The following TTLL11 variants were observed in gnomAD, a reference collection of about 807,000 sequenced individuals.
TTLL11 encodes tubulin tyrosine ligase like 11, also known as tubulin polyglutamylase TTLL11.
In TTLL11, 42 loss-of-function variants were observed where a neutral mutation model predicts 51.7. That is an observed-to-expected ratio of 0.81 (90% CI 0.64 to 1.05). TTLL11 has a LOEUF of 1.05. TTLL11 is among the 50% of genes least tolerant of loss of function. The pLI, the probability that TTLL11 is intolerant of heterozygous loss-of-function variation, is 0.00. For missense variants in TTLL11, 799 were observed against 940.4 expected (o/e 0.85, Z 1.97); for synonymous variants, 381 against 383.5 (o/e 0.99, Z 0.08).
rs538852181 is a variant in TTLL11 at position 122,006,670 on chromosome 9, A to G, written c.694-16900T>C. The stretch of plus-strand genomic sequence containing the variant: ...CGGTGCCAAAGCATTTACTTATTGA[A>G]TTGTATAGCATTTCATTATAAAGAG... On this transcript the variant is annotated intron_variant, in intron 3 of 8. Coordinates refer to ENST00000321582, the MANE Select transcript of TTLL11 (RefSeq NM_001139442.2). 2.0e-5 allele frequency among the ~76,000 whole-genome samples: 3 copies of G among 152,294 alleles called. No individual in the cohort carries two copies. In the South Asian group the frequency reaches 6.2e-4, roughly 32 times the overall value.
chr9:121,902,244 T>A (rs756592678), intron 6 of TTLL11, among the ~76,000 whole-genome samples: 11 of 152,226 alleles, frequency 7.2e-5, no homozygotes, highest in Non-Finnish European at 8.8e-5. Flanking sequence ...GTATTTGTTA[T>A]TTTGAAAGCT....
chr9:122,089,907 G>C (rs1040755638), intron 1 of TTLL11, among the ~76,000 whole-genome samples: 1 of 152,132 alleles, frequency 6.6e-6, no homozygotes, highest in Non-Finnish European at 1.5e-5. Flanking sequence ...TCCCACCTCA[G>C]CCTCCCAAGT....
chr9:121,969,466 G>C (rs1193826268), intron 6 of TTLL11, among the ~76,000 whole-genome samples: 1 of 152,054 alleles, frequency 6.6e-6, no homozygotes, highest in Non-Finnish European at 1.5e-5. Flanking sequence ...ACACGGGTCT[G>C]GGGCTCCTTC....
intron 8 of TTLL11, among the ~76,000 whole-genome samples, chr9:121,844,806 T>A (rs1380168939): frequency 6.8e-6 from 1 of 147,874 alleles, no homozygotes; most frequent in African/African-American, 2.5e-5. Flanking sequence ...AATAGGAATG[T>A]CCTAAACTGA....
chr9:122,027,831 C>T (rs1013430983), intron 3 of TTLL11, among the ~76,000 whole-genome samples: 3 of 152,102 alleles, frequency 2.0e-5, no homozygotes, highest in African/African-American at 7.2e-5. Context: ...ATGAAGAATG[C>T]TGGAAATAGT....
chr9:122,081,467 T>C (rs1198499197), intron 1 of TTLL11, among the ~76,000 whole-genome samples: 1 of 152,254 alleles, frequency 6.6e-6, no homozygotes, highest in Non-Finnish European at 1.5e-5. Context: ...CCCAAATCTA[T>C]AGATGCAGGG....
intron 1 of TTLL11, among the ~76,000 whole-genome samples, chr9:122,055,434 C>A (rs1043812399): frequency 4.6e-5 from 7 of 152,154 alleles, no homozygotes; most frequent in African/African-American, 1.7e-4. Context: ...AGGATTTTCA[C>A]ATCTTTCTGC....
At chr9:121,969,060 G>C (rs1481693456) in intron 6 of TTLL11, among the ~76,000 whole-genome samples, 1 of 151,908 alleles carries the variant, frequency 6.6e-6, no homozygotes, top group Non-Finnish European at 1.5e-5. Flanking sequence ...AGTAGAGATG[G>C]GGTTTCACCA....
At chr9:121,957,726 G>A (rs944934650) in intron 6 of TTLL11, among the ~76,000 whole-genome samples, 7 of 152,294 alleles carry the variant, frequency 4.6e-5, no homozygotes, top group Admixed American at 1.3e-4. Context: ...CTCCTAGATG[G>A]CTGGAGTCCA....
chr9:122,002,216 C>T (rs1187577637), intron 3 of TTLL11, among the ~76,000 whole-genome samples: 1 of 152,226 alleles, frequency 6.6e-6, no homozygotes, highest in East Asian at 1.9e-4. Flanking sequence ...CCTGGGTGTT[C>T]ATTTGCAAGG....
intron 6 of TTLL11, among the ~76,000 whole-genome samples, chr9:121,897,341 G>A (rs1839562603): frequency 6.6e-6 from 1 of 152,134 alleles, no homozygotes; most frequent in Non-Finnish European, 1.5e-5. Context: ...CGGTAGAACT[G>A]AGGCTCAAAC....
chr9:121,922,425 G>A (rs571950259), intron 6 of TTLL11, among the ~76,000 whole-genome samples: 3 of 152,184 alleles, frequency 2.0e-5, no homozygotes, highest in East Asian at 3.9e-4. Flanking sequence ...CTTGGGGTCC[G>A]GGAATGCTCA....
At chr9:121,973,619 G>T (rs1842628599) in intron 6 of TTLL11, among the ~76,000 whole-genome samples, 1 of 152,104 alleles carries the variant, frequency 6.6e-6, no homozygotes, top group Non-Finnish European at 1.5e-5. Flanking sequence ...GGGAAGGACA[G>T]CATTAGGAGA....
intron 8 of TTLL11, among the ~76,000 whole-genome samples, chr9:121,837,512 C>T (rs776128980): frequency 5.3e-5 from 8 of 151,894 alleles, no homozygotes; most frequent in Admixed American, 1.3e-4. Flanking sequence ...GGGCCTGGAG[C>T]GGGTGGGGGT....
rs1836513982 is a variant in TTLL11, at chr9:121,819,648, G to T, written c.*2939C>A. ...CGGGAGGGAGAAGACGCTGGAGATG[G>T]ATCCTGAGGGCGCTTGCAGGGATGG... On this transcript the variant is annotated 3_prime_UTR_variant, in exon 9 of 9. Coordinates refer to ENST00000321582, the MANE Select transcript of TTLL11 (RefSeq NM_001139442.2). Among the ~76,000 whole-genome samples the T allele has an allele frequency of 6.6e-6, 1 of 152,148 alleles. No homozygotes were observed. Among genetic ancestry groups the T allele is most frequent in the African/African-American group, 2.4e-5 (1 of 41,434 alleles).
intron 1 of TTLL11, among the ~76,000 whole-genome samples, chr9:122,039,579 C>T (rs1844787440): frequency 6.6e-6 from 1 of 152,154 alleles, no homozygotes; most frequent in South Asian, 2.1e-4. Context: ...TGGTAGAGCT[C>T]TGATTACATG....
intron 1 of TTLL11, among the ~76,000 whole-genome samples, chr9:122,048,904 G>C (rs561339990): frequency 2.0e-5 from 3 of 152,048 alleles, no homozygotes; most frequent in South Asian, 4.2e-4. Flanking sequence ...TAAGCACAAG[G>C]AGAGCCCATG....
At chr9:122,013,902 G>A (rs1025569965) in intron 3 of TTLL11, among the ~76,000 whole-genome samples, 1 of 152,196 alleles carries the variant, frequency 6.6e-6, no homozygotes, top group African/African-American at 2.4e-5. Flanking sequence ...TTTTATGAAA[G>A]TCCAGGAAAG....
At chr9:122,052,776 A>G (rs373423639) in intron 1 of TTLL11, among the ~76,000 whole-genome samples, 1 of 152,300 alleles carries the variant, frequency 6.6e-6, no homozygotes, top group Admixed American at 6.5e-5. Context: ...CCTCTGGAGA[A>G]AGCCCACAAG....
Sources: gnomAD v4.1 joint callset for allele counts (sites outside exome capture counted in the v4.1 genomes callset) on GRCh38, gnomAD v4.1.1 for gene constraint, MANE v1.5 for transcripts, NCBI Gene and HGNC (gene_info 2026-07-23, HGNC 2026-07-21) for gene names.